Variants in FBXL7 observed in about 807,000 individuals in gnomAD.
FBXL7 encodes the protein F-box/LRR-repeat protein 7.
A neutral mutation model predicts 38.3 loss-of-function variants in FBXL7; 12 were observed. That is an observed-to-expected ratio of 0.31 (90% confidence interval 0.20 to 0.51). The LOEUF is 0.51. FBXL7 is among the 20% of genes least tolerant of loss of function. FBXL7 has a pLI of 0.98. For synonymous variants in FBXL7, 297 were observed against 300.9 expected, an observed-to-expected ratio of 0.99 and a Z score of 0.13; for missense variants, 567 against 676.4, an observed-to-expected ratio of 0.84 and a Z score of 1.79.
At chr5:15,857,328 T>G (rs1419489897) in intron 2 of FBXL7, among the ~76,000 whole-genome samples, 1 of 152,176 alleles carries the variant, frequency 6.6e-6, no homozygotes, top group Non-Finnish European at 1.5e-5. Flanking sequence ...TTAAACTCAT[T>G]TAATTCTCAT....
chr5:15,557,245 A>G (rs868210312), intron 1 of FBXL7, among the ~76,000 whole-genome samples: 2 of 152,282 alleles, frequency 1.3e-5, no homozygotes, highest in South Asian at 2.1e-4. Flanking sequence ...GCGGAGCCAG[A>G]TTGTTAATTC....
chr5:15,762,693 GT>G (rs1736481901), intron 2 of FBXL7, among the ~76,000 whole-genome samples: 1 of 152,120 alleles, frequency 6.6e-6, no homozygotes, highest in Non-Finnish European at 1.5e-5. Context: ...GCAAAACAGC[GT>G]ACTGCTGAGA....
intron 2 of FBXL7, among the ~76,000 whole-genome samples, chr5:15,808,194 C>G (rs1435165928): frequency 6.6e-6 from 1 of 151,918 alleles, no homozygotes; most frequent in Non-Finnish European, 1.5e-5. Context: ...ACCCACTCAA[C>G]CCATTGTTGA....
At chr5:15,743,151 A>G (rs1280482678) in intron 2 of FBXL7, among the ~76,000 whole-genome samples, 2 of 152,060 alleles carry the variant, frequency 1.3e-5, no homozygotes, top group African/African-American at 4.8e-5. Context: ...ACTTAAAGAC[A>G]CAATTATGCC....
chr5:15,923,394 G>A (rs1310177023), intron 2 of FBXL7, among the ~76,000 whole-genome samples: 1 of 152,052 alleles, frequency 6.6e-6, no homozygotes, highest in African/African-American at 2.4e-5. Context: ...GACATATTCT[G>A]GTACTCTTTA....
At chr5:15,572,427 T>C (rs1309340294) in intron 1 of FBXL7, among the ~76,000 whole-genome samples, 2 of 151,470 alleles carry the variant, frequency 1.3e-5, no homozygotes, top group African/African-American at 4.9e-5. Context: ...TCAGGGTTCT[T>C]GTCACATACT....
At chr5:15,760,932 T>C (rs1006658198) in intron 2 of FBXL7, among the ~76,000 whole-genome samples, 3 of 149,534 alleles carry the variant, frequency 2.0e-5, no homozygotes, top group African/African-American at 7.4e-5. Flanking sequence ...AATTAAAGAA[T>C]GAGACAGAAA....
At chr5:15,557,147 C>A (rs993775308) in intron 1 of FBXL7, among the ~76,000 whole-genome samples, 2 of 152,134 alleles carry the variant, frequency 1.3e-5, no homozygotes, top group Admixed American at 6.5e-5. Flanking sequence ...ACCATGTTAG[C>A]CAGGATGGTC....
chr5:15,627,815 T>TGTTAAGGTTAAGGA (rs1740868663), intron 2 of FBXL7, among the ~76,000 whole-genome samples: 1 of 152,198 alleles, frequency 6.6e-6, no homozygotes. Flanking sequence ...CTTAACAATC[T>TGTTAAGGTTAAGGA]AGTTAACATG....
intron 2 of FBXL7, among the ~76,000 whole-genome samples, chr5:15,746,014 G>A (rs1469622927): frequency 6.6e-6 from 1 of 152,184 alleles, no homozygotes; most frequent in African/African-American, 2.4e-5. Flanking sequence ...TGGAATCTTG[G>A]TGGTGAGAGG....
chr5:15,709,316 C>G (rs1392109362), intron 2 of FBXL7, among the ~76,000 whole-genome samples: 4 of 152,006 alleles, frequency 2.6e-5, no homozygotes, highest in Non-Finnish European at 5.9e-5. Flanking sequence ...GTTGGGTCAC[C>G]TGAGGTCAGG....
intron 2 of FBXL7, among the ~76,000 whole-genome samples, chr5:15,776,933 C>T (rs1400430606): frequency 6.6e-6 from 1 of 152,058 alleles, no homozygotes; most frequent in Non-Finnish European, 1.5e-5. Flanking sequence ...TAATATAACA[C>T]TGTGATTACA....
In FBXL7 at chr5:15,566,633, A is replaced by C. The variant is rs57630623; in HGVS notation, c.38-49350A>C. 2.8e-4 allele frequency among the ~76,000 whole-genome samples: 42 copies of C among 152,298 alleles called. 1 individual carries two copies. The highest frequency in any genetic ancestry group is 5.0e-4 in the Non-Finnish European group (34 of 68,026). ...TCCAACATCATAAATTACACATTTC[A>C]TACAAGAAGCAACTTTTTGAGAAGC... On this transcript the variant is annotated intron_variant, in intron 1 of 3. Coordinates refer to ENST00000504595, the MANE Select transcript of FBXL7 (RefSeq NM_012304.5).
intron 2 of FBXL7, among the ~76,000 whole-genome samples, chr5:15,890,381 T>C (rs573130682): frequency 5.9e-5 from 9 of 152,250 alleles, no homozygotes; most frequent in Non-Finnish European, 1.0e-4. Flanking sequence ...CCCAAGTAGC[T>C]GGGATTACAG....
intron 2 of FBXL7, among the ~76,000 whole-genome samples, chr5:15,633,905 C>T (rs1384841674): frequency 5.3e-5 from 8 of 151,870 alleles, no homozygotes; most frequent in East Asian, 3.9e-4. Context: ...CTCAGCCTCC[C>T]GAGTACCTGG....
chr5:15,609,671 C>G (rs1477785637), intron 1 of FBXL7, among the ~76,000 whole-genome samples: 15 of 152,310 alleles, frequency 9.8e-5, no homozygotes, highest in Admixed American at 1.3e-4. Context: ...GACTTGTGGT[C>G]ATGTCAGTGT....
chr5:15,654,211 A>G (rs1019383489), intron 2 of FBXL7, among the ~76,000 whole-genome samples: 5 of 152,096 alleles, frequency 3.3e-5, no homozygotes, highest in African/African-American at 1.2e-4. Flanking sequence ...TTCTTGTAAT[A>G]CTCCTGAATA....
chr5:15,704,055 G>T (rs990500577), intron 2 of FBXL7, among the ~76,000 whole-genome samples: 1 of 152,126 alleles, frequency 6.6e-6, no homozygotes, highest in Non-Finnish European at 1.5e-5. Flanking sequence ...CAGTGGCCTG[G>T]GTTTCTGCTC....
chr5:15,722,308 C>G (rs1744219021), intron 2 of FBXL7, among the ~76,000 whole-genome samples: 1 of 152,130 alleles, frequency 6.6e-6, no homozygotes, highest in South Asian at 2.1e-4. Flanking sequence ...TTCTAGGATT[C>G]TTGGAATCAC....
Sources: gnomAD v4.1 joint callset for allele counts (sites outside exome capture counted in the v4.1 genomes callset) on GRCh38, gnomAD v4.1.1 for gene constraint, MANE v1.5 for transcripts, NCBI Gene and HGNC (gene_info 2026-07-23, HGNC 2026-07-21) for gene names.